Variants in CARD14 observed in about 807,000 individuals in gnomAD.
CARD14 encodes the protein caspase recruitment domain family member 14, also known as caspase recruitment domain-containing protein 14.
Under a neutral mutation model 111.5 loss-of-function variants are expected in CARD14, and 107 were observed. The ratio of observed to expected loss-of-function variants is 0.96; its 90% CI spans 0.82 to 1.13. CARD14 has a LOEUF of 1.13. Among genes scored for constraint, CARD14 ranks in the 50% most tolerant of loss-of-function variants. CARD14 has a pLI of 0.00. For synonymous variants in CARD14, 617 were observed against 579.6 expected (o/e 1.06, Z -0.93); for missense variants, 1,322 against 1,362.3 (o/e 0.97, Z 0.47).
At chr17:80,190,955 GC>G (rs2040507204) in intron 10 of CARD14, 56 bp downstream of exon 10, 7 of 1,589,654 alleles carry the variant, frequency 4.4e-6, no homozygotes, top group Non-Finnish European at 4.3e-6. Context: ...CCAGGTGAGG[GC>G]TGGTTCCGGG....
At position 80,202,128 on chromosome 17, in the gene CARD14, C is replaced by A. The variant is rs375862251; in HGVS notation, c.1979-52C>A. On this transcript the variant is annotated intron_variant, in intron 17 of 23. Transcript: ENST00000648509. Reference sequence around the variant, plus strand: ...TACTTTAATTTTCTGCAACCTTCCTCGCAGAGGCTCGTATCTGTGGCTCAT... The same window carrying A: ...TACTTTAATTTTCTGCAACCTTCCTAGCAGAGGCTCGTATCTGTGGCTCAT... 1.1e-4 allele frequency: 160 copies of A among 1,504,108 alleles called. No homozygotes were observed. In the African/African-American group the frequency reaches 2.0e-3, roughly 19 times the overall value. The allele number at this position is 1,504,108 out of a possible 1,614,324, so 93.2% of individuals were successfully genotyped here.
rs2040981268 is a variant in CARD14 at position 80,201,658 on chromosome 17, C to CGCCT, written c.1852-85_1852-82dup. 5.4e-6 allele frequency: 8 copies of CGCCT among 1,469,512 alleles called. No homozygotes were observed. In the South Asian group the frequency reaches 9.1e-5, roughly 17 times the overall value. 91.0% of individuals were successfully genotyped at this position (1,469,512 alleles called of 1,614,324 possible). ...CCTACGGCAGGGCTGGCCCGCGCCT[C>CGCCT]GCCTCAGTGCCCTCAGCGCCTTCTG... On this transcript the variant is annotated intron_variant, in intron 16 of 23. Coordinates refer to ENST00000648509, the MANE Select transcript of CARD14 (RefSeq NM_001366385.1). The surrounding 1 kb of genome is among the most constrained non-coding windows in gnomAD (Gnocchi z 5.0).
chr17:80,198,276 A>C lies in CARD14; in HGVS notation c.1658+114A>C. The C allele has an allele frequency of 6.4e-7, 1 of 1,562,564 alleles. No individual in the cohort carries two copies. The highest frequency in any genetic ancestry group is 8.8e-7 in the Non-Finnish European group (1 of 1,140,934). ...GGGAGGCAACAGCCTTTCCAAGCAC[A>C]TGGGGCCATGGAGGGGGAGGAGAAT... is the stretch of plus-strand genomic sequence containing the variant. On this transcript the variant is annotated intron_variant, in intron 15 of 23. Transcript: ENST00000648509. The surrounding 1 kb of genome is among the most constrained non-coding windows in gnomAD (Gnocchi z 7.5).
chr17:80,201,796 C>T lies in CARD14; in HGVS notation c.1904C>T (p.Thr635Ile), dbSNP rs761953699. 2.3e-5 allele frequency: 37 copies of T among 1,613,990 alleles called. No homozygotes were observed. The highest frequency in any genetic ancestry group is 3.1e-5 in the Non-Finnish European group (37 of 1,179,890). ...TTCAAGGCAGTCCTGGAGGACACGA[C>T]CCTGGAGGAGGCCGTGGGGCTTCTC... Reference protein sequence around the residue: ...PLFKAVLEDTTLEEAVGLLRR... With the variant: ...PLFKAVLEDTILEEAVGLLRR... Residue 635 changes from threonine to isoleucine, a missense_variant, in exon 17 of 24, where the codon ACC (threonine) becomes ATC (isoleucine). Thr to Ile is a moderately conservative substitution (Grantham distance 89). Transcript: ENST00000648509. The surrounding 1 kb of genome is among the most constrained non-coding windows in gnomAD (Gnocchi z 5.0).
rs1315584347 is a variant in CARD14 at position 80,188,821 on chromosome 17, G to C, written c.843+277G>C. On this transcript the variant is annotated intron_variant, in intron 8 of 23. Transcript: ENST00000648509. The surrounding 1 kb of genome is among the most constrained non-coding windows in gnomAD (Gnocchi z 4.5). ...ATCCCAGCACTTGGGAGGCCAAGAT[G>C]GGCAAGATAGCTTGAGCTCAGGAGT... 3.5e-5 allele frequency: 8 copies of C among 228,504 alleles called. No homozygotes were observed. The highest frequency in any genetic ancestry group is 1.8e-4 in the African/African-American group (8 of 44,108). 14.2% of individuals were successfully genotyped at this position (228,504 alleles called of 1,614,324 possible). A position where few individuals can be genotyped will look rare whatever the true frequency, so the allele number is the denominator to read the frequency against.
chr17:80,201,720 C>T lies in CARD14; in HGVS notation c.1852-24C>T. The T allele has an allele frequency of 6.2e-7, 1 of 1,613,634 alleles. No individual in the cohort carries two copies. Among genetic ancestry groups the T allele is most frequent in the Non-Finnish European group, 8.5e-7 (1 of 1,179,796 alleles). On this transcript the variant is annotated intron_variant, in intron 16 of 23. Coordinates refer to ENST00000648509, the MANE Select transcript of CARD14 (RefSeq NM_001366385.1). The surrounding 1 kb of genome is among the most constrained non-coding windows in gnomAD (Gnocchi z 5.0). ...GATTCAGAGTCCCGGGGGAAAGAGA[C>T]TGACCTTCTCGACTTGCCCTCAGGT... is the stretch of plus-strand genomic sequence containing the variant.
chr17:80,183,968 G>A lies in CARD14; in HGVS notation c.405G>A (p.Leu135=). The A allele has an allele frequency of 1.3e-6, 2 of 1,561,372 alleles. No homozygotes were observed. Among genetic ancestry groups the A allele is most frequent in the Non-Finnish European group, 1.7e-6 (2 of 1,151,922 alleles). Reference sequence around the variant, plus strand: ...GCCTGGCTGGGGCCATCGGCAGCCTGCAGGAGGAGCTGAACCAGGAAAAGG... The same window carrying A: ...GCCTGGCTGGGGCCATCGGCAGCCTACAGGAGGAGCTGAACCAGGAAAAGG... ...TECLAGAIGS[L]QEELNQEKGQ... The change falls in exon 7 of 24, where the codon CTG becomes CTA. Residue 135 remains leucine, a synonymous_variant. Coordinates refer to ENST00000648509, the MANE Select transcript of CARD14 (RefSeq NM_001366385.1).
intron 2 of CARD14, among the ~76,000 whole-genome samples, chr17:80,175,274 G>A (rs918706337): frequency 6.6e-6 from 1 of 152,110 alleles, no homozygotes; most frequent in African/African-American, 2.4e-5. Flanking sequence ...CACCATGCCC[G>A]GCCTGCTATT....
intron 2 of CARD14, among the ~76,000 whole-genome samples, chr17:80,174,479 C>T (rs2039977625): frequency 6.6e-6 from 1 of 152,200 alleles, no homozygotes. Context: ...TCCCAAAGTG[C>T]TGGGATTACA....
chr17:80,203,747 C>A lies in CARD14; in HGVS notation c.2220-75C>A. On this transcript the variant is annotated intron_variant, in intron 18 of 23. Transcript: ENST00000648509. This position sits in a 1 kb window ranked among gnomAD's most constrained non-coding sequence, Gnocchi z 4.6. Reference sequence around the variant, plus strand: ...CCCACCCGGCCATCTCCCCCACTCTCCCCTGCTCGGCTCTCCCCTGCCCTG... The same window carrying A: ...CCCACCCGGCCATCTCCCCCACTCTACCCTGCTCGGCTCTCCCCTGCCCTG... The A allele has an allele frequency of 8.5e-7, 1 of 1,170,572 alleles. No homozygotes were observed. Among genetic ancestry groups the A allele is most frequent in the Non-Finnish European group, 1.2e-6 (1 of 811,728 alleles). The allele number at this position is 1,170,572 out of a possible 1,614,324, so 72.5% of individuals were successfully genotyped here. A position where few individuals can be genotyped will look rare whatever the true frequency, so the allele number is the denominator to read the frequency against.
intron 2 of CARD14, among the ~76,000 whole-genome samples, chr17:80,174,761 T>G (rs1454947951): frequency 2.0e-5 from 3 of 152,022 alleles, no homozygotes; most frequent in African/African-American, 7.2e-5. Context: ...CCCTCCCCAC[T>G]CCTGCTGAGG....
chr17:80,204,939 G>A (rs2041200328), intron 20 of CARD14, 96 bp from the exon 21 acceptor site: 1 of 1,034,182 alleles, frequency 9.7e-7, no homozygotes, highest in Non-Finnish European at 1.4e-6. Flanking sequence ...TGGGGCTGCT[G>A]CAGTGAGCAA....
rs2039940333 is a variant in CARD14, at chr17:80,173,039, G to T, written c.-556G>T. The T allele has an allele frequency of 6.6e-6, 1 of 151,598 alleles. No homozygotes were observed. Among genetic ancestry groups the T allele is most frequent in the Admixed American group, 6.6e-5 (1 of 15,158 alleles). The allele number at this position is 151,598 out of a possible 1,614,324, so 9.4% of individuals were successfully genotyped here. On this transcript the variant is annotated 5_prime_UTR_variant, in exon 2 of 24. Coordinates refer to ENST00000648509, the MANE Select transcript of CARD14 (RefSeq NM_001366385.1). The stretch of plus-strand genomic sequence containing the variant: ...GGGACTACAGGCGAGCACCACCACA[G>T]CCGGCTAATTTTTCTATTTCTAGTA...
chr17:80,198,214 G>A lies in CARD14; in HGVS notation c.1658+52G>A, dbSNP rs962269580. 6.9e-6 allele frequency: 11 copies of A among 1,601,808 alleles called. No homozygotes were observed. The highest frequency in any genetic ancestry group is 9.4e-6 in the Non-Finnish European group (11 of 1,169,832). On this transcript the variant is annotated intron_variant, in intron 15 of 23. Transcript: ENST00000648509. This position sits in a 1 kb window ranked among gnomAD's most constrained non-coding sequence, Gnocchi z 7.5. Reference sequence around the variant, plus strand: ...GGCTGGCTGGGGAACCAGGGCCAGGGAGTGGCAGAGCAGAGGGTGAGTGTC... The same window carrying A: ...GGCTGGCTGGGGAACCAGGGCCAGGAAGTGGCAGAGCAGAGGGTGAGTGTC...
rs1313691384 is a variant in CARD14, at chr17:80,198,775, A to G, written c.1851+184A>G. The G allele has an allele frequency of 6.7e-7, 1 of 1,501,688 alleles. No individual in the cohort carries two copies. Among genetic ancestry groups the G allele is most frequent in the African/African-American group, 1.4e-5 (1 of 72,036 alleles). 93.0% of individuals were successfully genotyped at this position (1,501,688 alleles called of 1,614,324 possible). ...TTTATAGATGAGAGTCGTGCCGTGCAGAACCCAGCATGTCACCCGTGGTGC... is the reference window on the plus strand; with the variant it reads ...TTTATAGATGAGAGTCGTGCCGTGCGGAACCCAGCATGTCACCCGTGGTGC... On this transcript the variant is annotated intron_variant, in intron 16 of 23. Coordinates refer to ENST00000648509, the MANE Select transcript of CARD14 (RefSeq NM_001366385.1). This position sits in a 1 kb window ranked among gnomAD's most constrained non-coding sequence, Gnocchi z 7.5.
At chr17:80,174,203 C>T (rs1362813238) in intron 2 of CARD14, among the ~76,000 whole-genome samples, 2 of 151,960 alleles carry the variant, frequency 1.3e-5, no homozygotes, top group Non-Finnish European at 2.9e-5. Flanking sequence ...ATAAAATCAG[C>T]GTTTTGTTTT....
At chr17:80,205,907 T>C (rs2041274497) in intron 22 of CARD14, 1 of 394,886 alleles carries the variant, frequency 2.5e-6, no homozygotes, top group African/African-American at 2.1e-5. Context: ...TAGATATTTG[T>C]TCGAGAATGA....
At chr17:80,199,684 G>A (rs1285142039) in intron 16 of CARD14, among the ~76,000 whole-genome samples, 1 of 148,878 alleles carries the variant, frequency 6.7e-6, no homozygotes, top group African/African-American at 2.5e-5. Context: ...TTTGAGACCA[G>A]CCTGGACAAC....
In CARD14 at chr17:80,198,464, A is replaced by AC. The variant is rs766143848; in HGVS notation, c.1724_1725insC (p.Gln575HisfsTer45). ...AGCCAGGTCACCATGCTGGCGTTCC[A>AC]GGGGGATGCATTGCTGGAGCAGATC... On this transcript the variant is annotated frameshift_variant, in exon 16 of 24. Transcript: ENST00000648509. LOFTEE classifies it high-confidence loss of function. This position sits in a 1 kb window ranked among gnomAD's most constrained non-coding sequence, Gnocchi z 7.5. The AC allele has an allele frequency of 2.5e-6, 4 of 1,612,700 alleles. No individual in the cohort carries two copies. The highest frequency in any genetic ancestry group is 3.3e-5 in the Admixed American group (2 of 60,008).
Sources: allele counts gnomAD v4.1 joint callset (sites outside exome capture counted in the v4.1 genomes callset), GRCh38; gene constraint gnomAD v4.1.1; non-coding constraint Gnocchi (gnomAD v3.1); transcripts MANE v1.5; gene names NCBI Gene and HGNC (gene_info 2026-07-23, HGNC 2026-07-21).